The following NSD2 variants were observed in gnomAD, a reference collection of about 807,000 sequenced individuals.
The protein encoded by NSD2 is histone-lysine N-methyltransferase NSD2.
NSD2 carries 12 observed loss-of-function variants against 139.0 expected under a neutral mutation model. That is an observed-to-expected ratio of 0.09 (90% CI 0.06 to 0.14). NSD2 has a LOEUF of 0.14. Among genes scored for constraint, NSD2 ranks in the 10% least tolerant of loss-of-function variants. The pLI is 1.00. For synonymous variants in NSD2, 669 were observed against 648.7 expected, an observed-to-expected ratio of 1.03 and a Z score of -0.48; for missense variants, 1,155 against 1,745.0, an observed-to-expected ratio of 0.66 and a Z score of 6.02.
At chr4:1,950,529 C>T (rs939265959) in intron 9 of NSD2, among the ~76,000 whole-genome samples, 2 of 152,216 alleles carry the variant, frequency 1.3e-5, no homozygotes, top group Admixed American at 6.5e-5. Context: ...GGAAGACTCT[C>T]CTGACTCTGC....
chr4:1,873,613 A>C (rs1195312168), intron 1 of NSD2, among the ~76,000 whole-genome samples: 2 of 152,230 alleles, frequency 1.3e-5, no homozygotes, highest in Non-Finnish European at 2.9e-5. Flanking sequence ...TGGGGCTTAC[A>C]TGGGTACAGC....
intron 7 of NSD2, among the ~76,000 whole-genome samples, chr4:1,936,920 C>T (rs894810002): frequency 2.0e-5 from 3 of 152,178 alleles, no homozygotes; most frequent in Non-Finnish European, 4.4e-5. Context: ...ACAGAACATT[C>T]TTCTGGGGCA....
chr4:1,945,204 C>T, intron 9 of NSD2: 1 of 1,066,662 alleles, frequency 9.4e-7, no homozygotes, highest in Non-Finnish European at 1.1e-6. Context: ...AAATGGGGTG[C>T]TCAGGGACTG....
At position 1,976,969 on chromosome 4, in the gene NSD2, C is replaced by T. The variant is rs1727150157; in HGVS notation, c.3826+290C>T. 6.6e-6 allele frequency among the ~76,000 whole-genome samples: 1 copy of T among 152,256 alleles called. No homozygotes were observed. Among genetic ancestry groups the T allele is most frequent in the South Asian group, 2.1e-4 (1 of 4,834 alleles). ...CCAGCTGCAGAATTGGGGCCCTCAT[C>T]CATGCTGTGGGGGCGGGGCGGCCAG... On this transcript the variant is annotated intron_variant, in intron 21 of 21. Transcript: ENST00000508803. The surrounding 1 kb of genome is among the most constrained non-coding windows in gnomAD (Gnocchi z 5.3).
At position 1,978,957 on chromosome 4, in the gene NSD2, G is replaced by C. The variant is rs1727454044; in HGVS notation, c.*48G>C. ...ATCCAGGGGCGGTGCAGGGCGGCCGGCCCTGCCTGCGGGAGAGGGCGAGCA... is the reference window on the plus strand; with the variant it reads ...ATCCAGGGGCGGTGCAGGGCGGCCGCCCCTGCCTGCGGGAGAGGGCGAGCA... On this transcript the variant is annotated 3_prime_UTR_variant, in exon 22 of 22. Transcript: ENST00000508803. The C allele has an allele frequency of 6.9e-7, 1 of 1,446,434 alleles. No individual in the cohort carries two copies. The highest frequency in any genetic ancestry group is 1.4e-5 in the African/African-American group (1 of 69,818). The allele number at this position is 1,446,434 out of a possible 1,614,324, so 89.6% of individuals were successfully genotyped here.
intron 18 of NSD2, among the ~76,000 whole-genome samples, chr4:1,971,186 C>A (rs941582209): frequency 6.6e-6 from 1 of 152,062 alleles, no homozygotes; most frequent in African/African-American, 2.4e-5. Flanking sequence ...TAGGGAGACC[C>A]TGTCTCAATT....
chr4:1,980,758 C>T lies in NSD2; in HGVS notation c.*1849C>T, dbSNP rs562324621. 1.4e-4 allele frequency: 32 copies of T among 233,234 alleles called. No homozygotes were observed. The South Asian group carries it at 5.4e-3, about 40-fold the overall frequency. The allele number at this position is 233,234 out of a possible 1,614,324, so 14.4% of individuals were successfully genotyped here. A position where few individuals can be genotyped will look rare whatever the true frequency, so the allele number is the denominator to read the frequency against. ...CGAGCTGTGTAGCCACTGACTTGCT[C>T]GCGCGGCCGTGGCCTCTGAGGGGCA... is the stretch of plus-strand genomic sequence containing the variant. On this transcript the variant is annotated 3_prime_UTR_variant, in exon 22 of 22. Coordinates refer to ENST00000508803, the MANE Select transcript of NSD2 (RefSeq NM_001042424.3).
intron 5 of NSD2, among the ~76,000 whole-genome samples, chr4:1,921,367 G>A (rs187659236): frequency 6.6e-6 from 1 of 152,174 alleles, no homozygotes; most frequent in Non-Finnish European, 1.5e-5. Context: ...GCTGAGGCAG[G>A]AGAATTACTT....
At chr4:1,945,855 A>G (rs1723575746) in intron 9 of NSD2, 15 of 1,061,818 alleles carry the variant, frequency 1.4e-5, no homozygotes, top group Non-Finnish European at 1.7e-5. Flanking sequence ...GATGAAAAAT[A>G]AGGTCGTTAT....
chr4:1,889,211 T>A (rs780015131), intron 1 of NSD2, among the ~76,000 whole-genome samples: 13 of 152,092 alleles, frequency 8.5e-5, no homozygotes, highest in Non-Finnish European at 1.8e-4. Context: ...TATTAGTATT[T>A]TTTGAGACAG....
At chr4:1,946,653 C>G (rs1468998709) in intron 9 of NSD2, 1 of 1,035,362 alleles carries the variant, frequency 9.7e-7, no homozygotes, top group Non-Finnish European at 1.2e-6. Context: ...CCTTTGGGTA[C>G]CATTTTTATT....
Position 1,973,894 on chromosome 4 carries a change from G to C in NSD2, c.3373-969G>C, listed in dbSNP as rs1726774737. ...TGGCGGCTCCTCAGGTGGAGGCCGG[G>C]GCCGTCCATTCCCTGCTGCTGGGTG... On this transcript the variant is annotated intron_variant, in intron 18 of 21. Coordinates refer to ENST00000508803, the MANE Select transcript of NSD2 (RefSeq NM_001042424.3). This position sits in a 1 kb window ranked among gnomAD's most constrained non-coding sequence, Gnocchi z 5.5. 6.6e-6 allele frequency among the ~76,000 whole-genome samples: 1 copy of C among 152,188 alleles called. No homozygotes were observed. Among genetic ancestry groups the C allele is most frequent in the African/African-American group, 2.4e-5 (1 of 41,448 alleles).
intron 6 of NSD2, among the ~76,000 whole-genome samples, chr4:1,931,119 A>G (rs984410876): frequency 3.9e-5 from 6 of 152,150 alleles, no homozygotes; most frequent in African/African-American, 1.4e-4. Flanking sequence ...CCAGGCTTAC[A>G]TGATGTGGTA....
At chr4:1,872,629 A>AGAGAGCGAGAGAGAGC (rs1553856464) in intron 1 of NSD2, among the ~76,000 whole-genome samples, 2 of 142,600 alleles carry the variant, frequency 1.4e-5, no homozygotes, top group Admixed American at 7.1e-5. Context: ...AGAGAGAGAG[A>AGAGAGCGAGAGAGAGC]GAGAGAGCGC....
chr4:1,961,512 G>T (rs1415409590), intron 18 of NSD2, among the ~76,000 whole-genome samples: 1 of 152,020 alleles, frequency 6.6e-6, no homozygotes, highest in Non-Finnish European at 1.5e-5. Flanking sequence ...AATTTTCAGT[G>T]CTCTTTGGGT....
chr4:1,893,543 G>GTTTTTTTTTTTTTTTTTTTTTTTTTTTTT (rs774429583), intron 1 of NSD2, among the ~76,000 whole-genome samples: 1 of 121,420 alleles, frequency 8.2e-6, no homozygotes, highest in African/African-American at 2.9e-5. Context: ...TTTGTTTTTT[G>GTTTTTTTTTTTTTTTTTTTTTTTTTTTTT]TTTTTTTTTT....
chr4:1,953,148 T>C, intron 11 of NSD2, 176 bp from the exon 12 acceptor site: 2 of 1,550,540 alleles, frequency 1.3e-6, no homozygotes, highest in Non-Finnish European at 1.7e-6. Context: ...CCTTGATGGC[T>C]GGATCTTTTT....
chr4:1,980,882 T>C lies in NSD2; in HGVS notation c.*1973T>C, dbSNP rs1727693320. The C allele has an allele frequency of 4.3e-6, 1 of 233,324 alleles. No homozygotes were observed. The highest frequency in any genetic ancestry group is 1.3e-3 in the Middle Eastern group (1 of 786). The allele number at this position is 233,324 out of a possible 1,614,324, so 14.5% of individuals were successfully genotyped here. ...AATACTGGATCGGCTCATAGATTTATGCTCCTTATGATGCCCTAACTTGGA... is the reference window on the plus strand; with the variant it reads ...AATACTGGATCGGCTCATAGATTTACGCTCCTTATGATGCCCTAACTTGGA... On this transcript the variant is annotated 3_prime_UTR_variant, in exon 22 of 22. Transcript: ENST00000508803.
chr4:1,916,994 A>G lies in NSD2; in HGVS notation c.884A>G (p.Gln295Arg), dbSNP rs144431814. Residue 295 changes from glutamine to arginine, a missense_variant, in exon 4 of 22, where the codon CAG (glutamine) becomes CGG (arginine). This residue lies in a region of NSD2 where 420 missense variants were observed against 469.0 expected (regional missense o/e 0.90). Coordinates refer to ENST00000508803, the MANE Select transcript of NSD2 (RefSeq NM_001042424.3). ...GAAGGACAGTTTGAAAAATTATGCC[A>G]GGAAAGTGCCAAGCAGGCACCCACG... ...EGEGQFEKLC[Q>R]ESAKQAPTKA... The G allele has an allele frequency of 6.2e-7, 1 of 1,614,162 alleles. No individual in the cohort carries two copies. The highest frequency in any genetic ancestry group is 8.5e-7 in the Non-Finnish European group (1 of 1,179,998).
Sources: gnomAD v4.1 joint callset for allele counts (sites outside exome capture counted in the v4.1 genomes callset) on GRCh38, gnomAD v4.1.1 for gene constraint, gnomAD v4.1.1 regional missense constraint, Gnocchi (gnomAD v3.1) non-coding constraint, MANE v1.5 for transcripts, NCBI Gene and HGNC (gene_info 2026-07-23, HGNC 2026-07-21) for gene names.